CCT3: variants seen among roughly 807,000 people sequenced by gnomAD.
The protein encoded by CCT3 is T-complex protein 1 subunit gamma.
Under a neutral mutation model 65.3 loss-of-function variants are expected in CCT3, and 10 were observed. That is an observed-to-expected ratio of 0.15 (90% CI 0.09 to 0.26). The LOEUF (loss-of-function observed/expected upper bound fraction) is 0.26. Ranked by LOEUF, CCT3 falls within the 10% of genes least tolerant of loss-of-function variation. CCT3 has a pLI of 1.00. For missense variants in CCT3, 626 were observed against 708.7 expected, an observed-to-expected ratio of 0.88 and a Z score of 1.33; for synonymous variants, 225 against 242.3, an observed-to-expected ratio of 0.93 and a Z score of 0.66.
At chr1:156,333,670 C>T (rs1264290324) in intron 4 of CCT3, 27 bp from the exon 5 acceptor site, 1 of 1,564,008 alleles carries the variant, frequency 6.4e-7, no homozygotes, top group Non-Finnish European at 8.8e-7. Flanking sequence ...CTAGTGAATT[C>T]ACACTATTCA....
At chr1:156,333,268 G>C (rs1272958277) in intron 5 of CCT3, 1 of 331,102 alleles carries the variant, frequency 3.0e-6, no homozygotes, top group East Asian at 8.8e-5. Context: ...ACTCCAGCAT[G>C]GTGACAGAGT....
chr1:156,321,110 A>G, intron 6 of CCT3, 85 bp from the exon 7 acceptor site: 7 of 1,065,214 alleles, frequency 6.6e-6, no homozygotes, highest in Non-Finnish European at 9.7e-6. Flanking sequence ...AGTGACTATA[A>G]TAATGGACCA....
In CCT3 at chr1:156,317,120, G is replaced by A. The variant is rs148695922; in HGVS notation, c.974+46C>T. 314 of 1,497,856 alleles carry A rather than the reference G, an allele frequency of 2.1e-4. 2 individuals are homozygous for A. The highest frequency in any genetic ancestry group is 1.9e-3 in the African/African-American group (138 of 72,690). The allele number at this position is 1,497,856 out of a possible 1,614,324, so 92.8% of individuals were successfully genotyped here. On this transcript the variant is annotated intron_variant, in intron 10 of 13. Coordinates refer to ENST00000295688, the MANE Select transcript of CCT3 (RefSeq NM_005998.5). The stretch of plus-strand genomic sequence containing the variant: ...GATGACTGTTACGCAACTACAAAAA[G>A]GAAACACACGGGAAGAAAAGTCTTG...
chr1:156,312,231 G>A lies in CCT3; in HGVS notation c.975-10C>T, dbSNP rs1446730844. 11 of 1,611,146 alleles carry A rather than the reference G, an allele frequency of 6.8e-6. No individual in the cohort carries two copies. The highest frequency in any genetic ancestry group is 9.3e-6 in the Non-Finnish European group (11 of 1,178,552). On this transcript the variant is annotated splice_polypyrimidine_tract_variant and intron_variant, in intron 10 of 13. Coordinates refer to ENST00000295688, the MANE Select transcript of CCT3 (RefSeq NM_005998.5). ...CCGGGCCCCACAGGCTCTAATGGAC[G>A]GAAGAGGTGGGGAGAATCAGATGAT...
chr1:156,318,952 G>C lies in CCT3; in HGVS notation c.675C>G (p.Thr225=). Residue 225 remains threonine (T), a synonymous_variant, in exon 8 of 14, where the codon ACC becomes ACG. Transcript: ENST00000295688. ...TGATATAGCGCCGCATACGTGGATG[G>C]GTCACATCCTTGTTAATCATGACTC... ...LRGVMINKDV[T]HPRMRRYIKN... 1 of 1,613,652 alleles carries C rather than the reference G, an allele frequency of 6.2e-7. No homozygotes were observed. The highest frequency in any genetic ancestry group is 8.5e-7 in the Non-Finnish European group (1 of 1,179,694).
intron 6 of CCT3, among the ~76,000 whole-genome samples, chr1:156,324,469 C>T (rs1444987278): frequency 6.6e-6 from 1 of 152,070 alleles, no homozygotes; most frequent in Non-Finnish European, 1.5e-5. Flanking sequence ...GTAATATATG[C>T]TTTTCTTTTT....
chr1:156,335,805 A>G, intron 2 of CCT3, 22 bp downstream of exon 2: 3 of 1,607,110 alleles, frequency 1.9e-6, no homozygotes, highest in Non-Finnish European at 2.6e-6. Context: ...AAACTACCAT[A>G]AACACTTAAA....
intron 5 of CCT3, among the ~76,000 whole-genome samples, chr1:156,332,385 G>T (rs772298286): frequency 1.3e-5 from 2 of 152,108 alleles, no homozygotes. Flanking sequence ...CACAATAAAG[G>T]CAATAGGCCA....
At chr1:156,320,024 A>AGGG (rs1300275747) in intron 7 of CCT3, among the ~76,000 whole-genome samples, 10 of 152,152 alleles carry the variant, frequency 6.6e-5, no homozygotes, top group Non-Finnish European at 1.3e-4. Flanking sequence ...GGTAACAACA[A>AGGG]AACTATTTGA....
intron 10 of CCT3, 50 bp from the exon 11 acceptor site, chr1:156,312,271 C>T: frequency 1.3e-6 from 2 of 1,564,958 alleles, no homozygotes; most frequent in Non-Finnish European, 1.7e-6. Context: ...GATACTTGTA[C>T]CCATTTCCCT....
chr1:156,323,170 G>A (rs1664639322), intron 6 of CCT3, among the ~76,000 whole-genome samples: 1 of 151,854 alleles, frequency 6.6e-6, no homozygotes, highest in Non-Finnish European at 1.5e-5. Context: ...GCCGGATGTG[G>A]ATGCACATGC....
intron 2 of CCT3, 79 bp downstream of exon 2, chr1:156,335,748 A>C (rs1162954755): frequency 7.6e-6 from 9 of 1,181,694 alleles, no homozygotes; most frequent in Non-Finnish European, 1.0e-5. Context: ...GTCTAGATGC[A>C]CAGGACACAT....
intron 11 of CCT3, 55 bp from the exon 12 acceptor site, chr1:156,311,250 G>C: frequency 1.3e-6 from 2 of 1,570,526 alleles, no homozygotes; most frequent in Non-Finnish European, 1.7e-6. Context: ...CATAAAATCG[G>C]AGGCACCAAA....
intron 5 of CCT3, among the ~76,000 whole-genome samples, chr1:156,328,332 G>A (rs1449807983): frequency 1.7e-4 from 26 of 151,950 alleles, no homozygotes; most frequent in Middle Eastern, 6.8e-3. Flanking sequence ...CCCTCTGCCC[G>A]GCCACGACCC....
intron 5 of CCT3, among the ~76,000 whole-genome samples, chr1:156,329,036 G>A (rs1033931767): frequency 6.6e-6 from 1 of 152,130 alleles, no homozygotes; most frequent in Admixed American, 6.6e-5. Context: ...ATATATGACA[G>A]TGGTCCCATA....
At chr1:156,326,981 G>C (rs1368129763) in intron 5 of CCT3, among the ~76,000 whole-genome samples, 1 of 152,224 alleles carries the variant, frequency 6.6e-6, no homozygotes, top group Non-Finnish European at 1.5e-5. Flanking sequence ...GAGAGGCAGA[G>C]GTTGCAGTGA....
At chr1:156,326,891 CA>C (rs1396558522) in intron 5 of CCT3, among the ~76,000 whole-genome samples, 5 of 151,904 alleles carry the variant, frequency 3.3e-5, no homozygotes. Flanking sequence ...ACCAAAAATA[CA>C]AAAATTAGCC....
At chr1:156,328,429 G>A (rs1012093792) in intron 5 of CCT3, among the ~76,000 whole-genome samples, 3 of 152,066 alleles carry the variant, frequency 2.0e-5, no homozygotes, top group African/African-American at 7.2e-5. Flanking sequence ...GGAAAGGTGG[G>A]GAAAAGATTG....
chr1:156,326,328 C>CA (rs1275250820), intron 5 of CCT3, among the ~76,000 whole-genome samples: 1 of 151,174 alleles, frequency 6.6e-6, no homozygotes, highest in East Asian at 2.0e-4. Flanking sequence ...GATTCTGTTT[C>CA]AAAAAAATAA....
Sources: gnomAD v4.1 joint callset for allele counts (sites outside exome capture counted in the v4.1 genomes callset) on GRCh38, gnomAD v4.1.1 for gene constraint, MANE v1.5 for transcripts, NCBI Gene and HGNC (gene_info 2026-07-23, HGNC 2026-07-21) for gene names.